CFAP61: variants seen among roughly 807,000 people sequenced by gnomAD.
The protein encoded by CFAP61 is cilia and flagella associated protein 61.
CFAP61 carries 107 observed loss-of-function variants against 135.6 expected under a neutral mutation model. The observed-to-expected ratio is 0.79, with a 90% CI of 0.67 to 0.93. CFAP61 has a LOEUF of 0.93. CFAP61 is among the 40% of genes least tolerant of loss of function. The pLI, the probability that CFAP61 is intolerant of heterozygous loss-of-function variation, is 0.00. For missense variants in CFAP61, 1,507 were observed against 1,556.2 expected (o/e 0.97, Z 0.53); for synonymous variants, 575 against 578.5 (o/e 0.99, Z 0.09).
At chr20:20,080,979 C>T (rs535603678) in intron 6 of CFAP61, among the ~76,000 whole-genome samples, 5 of 151,028 alleles carry the variant, frequency 3.3e-5, no homozygotes, top group South Asian at 2.1e-4. Flanking sequence ...TCCAGCCTGG[C>T]GACAGAGCAA....
intron 17 of CFAP61, among the ~76,000 whole-genome samples, chr20:20,204,281 T>A (rs539255485): frequency 6.6e-6 from 1 of 152,290 alleles, no homozygotes; most frequent in South Asian, 2.1e-4. Context: ...AACTAATGAA[T>A]TCTTTGGAGG....
At chr20:20,195,089 C>T (rs562496663) in intron 15 of CFAP61, among the ~76,000 whole-genome samples, 1 of 152,186 alleles carries the variant, frequency 6.6e-6, no homozygotes, top group African/African-American at 2.4e-5. Context: ...GTATAAAGGC[C>T]ATTACAGGGT....
intron 8 of CFAP61, among the ~76,000 whole-genome samples, chr20:20,123,540 T>G (rs1568953332): frequency 6.6e-6 from 1 of 151,766 alleles, no homozygotes; most frequent in Non-Finnish European, 1.5e-5. Context: ...TTTTGTTTTG[T>G]CAAAGATCAG....
chr20:20,280,228 C>A (rs1217848523), intron 22 of CFAP61, among the ~76,000 whole-genome samples: 2 of 152,114 alleles, frequency 1.3e-5, no homozygotes, highest in African/African-American at 4.8e-5. Context: ...AAGAAAACCT[C>A]ACGACAGTGG....
At chr20:20,207,297 A>G (rs1230530443) in intron 17 of CFAP61, among the ~76,000 whole-genome samples, 2 of 152,210 alleles carry the variant, frequency 1.3e-5, no homozygotes, top group East Asian at 3.8e-4. Flanking sequence ...TGCTGTTAAA[A>G]AGAGCTGCCA....
intron 8 of CFAP61, among the ~76,000 whole-genome samples, chr20:20,136,416 A>T (rs1242940996): frequency 6.6e-6 from 1 of 151,942 alleles, no homozygotes; most frequent in Non-Finnish European, 1.5e-5. Context: ...AGCATGCTTC[A>T]TTCTTTTTTA....
rs78984624 is a variant in CFAP61 at position 20,175,418 on chromosome 20, A to G, written c.1385+5958A>G. On this transcript the variant is annotated intron_variant, in intron 13 of 26. Coordinates refer to ENST00000245957, the MANE Select transcript of CFAP61 (RefSeq NM_015585.4). ...GTTTTCTGAATCTGTGTTGCTAACA[A>G]GTGCACCAGTTGACTTTCATGCACG... Among the ~76,000 whole-genome samples, 12 of 152,274 alleles carry G rather than the reference A, an allele frequency of 7.9e-5. No individual in the cohort carries two copies. The East Asian group carries it at 2.3e-3, about 29-fold the overall frequency.
At chr20:20,090,708 A>AG in intron 6 of CFAP61, 136 bp from the exon 7 acceptor site, 1 of 626,430 alleles carries the variant, frequency 1.6e-6, no homozygotes, top group Non-Finnish European at 2.5e-6. Flanking sequence ...AAAAAAAAAA[A>AG]AAAAGAAGGA....
At chr20:20,204,124 T>A (rs4814962) in intron 17 of CFAP61, among the ~76,000 whole-genome samples, 54,721 of 151,976 alleles carry the variant, frequency 0.36, 10,222 homozygotes, top group East Asian at 0.58. Flanking sequence ...CTTGGTTTAT[T>A]GTGTTCATAG....
At chr20:20,064,032 A>ACCCCCCCCCCCCCCCC (rs373522191) in intron 2 of CFAP61, among the ~76,000 whole-genome samples, 1 of 113,216 alleles carries the variant, frequency 8.8e-6, no homozygotes, top group Non-Finnish European at 2.0e-5. Context: ...AAATAGAGTA[A>ACCCCCCCCCCCCCCCC]CCGCCCCCCA....
intron 26 of CFAP61, among the ~76,000 whole-genome samples, chr20:20,349,507 C>A (rs1333324504): frequency 6.6e-6 from 1 of 152,138 alleles, no homozygotes; most frequent in South Asian, 2.1e-4. Flanking sequence ...TCCCTAAGAC[C>A]CAAACACCTC....
At chr20:20,350,687 G>A (rs1251981100) in intron 26 of CFAP61, among the ~76,000 whole-genome samples, 1 of 152,206 alleles carries the variant, frequency 6.6e-6, no homozygotes, top group African/African-American at 2.4e-5. Flanking sequence ...ATGATTGCTT[G>A]TACAAGAACA....
intron 8 of CFAP61, among the ~76,000 whole-genome samples, chr20:20,117,811 G>A (rs58434147): frequency 0.099 from 14,952 of 151,756 alleles, 1,554 homozygotes; most frequent in East Asian, 0.6. Flanking sequence ...TCATTTCTTT[G>A]GTGAAATTGA....
intron 18 of CFAP61, among the ~76,000 whole-genome samples, chr20:20,240,789 A>G (rs2049966289): frequency 1.3e-5 from 2 of 152,104 alleles, no homozygotes; most frequent in Admixed American, 6.5e-5. Flanking sequence ...CTCCCTGGCC[A>G]TGTCACTGAG....
At chr20:20,303,523 A>G (rs367891800) in intron 25 of CFAP61, among the ~76,000 whole-genome samples, 3 of 152,098 alleles carry the variant, frequency 2.0e-5, no homozygotes, top group East Asian at 3.9e-4. Context: ...TAGTGGGTAC[A>G]TGCAGCTGCG....
Position 20,288,325 on chromosome 20 carries a change from C to T in CFAP61, c.2797-284C>T, listed in dbSNP as rs114554287. Among the ~76,000 whole-genome samples the T allele has an allele frequency of 5.2e-3, 795 of 152,214 alleles. 8 individuals carry two copies. The highest frequency in any genetic ancestry group is 0.018 in the African/African-American group (751 of 41,536). On this transcript the variant is annotated intron_variant, in intron 22 of 26. Coordinates refer to ENST00000245957, the MANE Select transcript of CFAP61 (RefSeq NM_015585.4). ...TGTACAAATGTAAACCCTCTTCCGC[C>T]GAAAACCACTCACACTTTTGTGGGA... is the stretch of plus-strand genomic sequence containing the variant.
intron 6 of CFAP61, chr20:20,085,355 G>A: frequency 3.1e-6 from 4 of 1,302,120 alleles, no homozygotes; most frequent in Non-Finnish European, 4.0e-6. Context: ...TGAGGCTGAT[G>A]TCATACTTTA....
chr20:20,070,920 C>T lies in CFAP61; in HGVS notation c.210C>T (p.Phe70=). 6.2e-7 allele frequency: 1 copy of T among 1,614,160 alleles called. No individual in the cohort carries two copies. Among genetic ancestry groups the T allele is most frequent in the Non-Finnish European group, 8.5e-7 (1 of 1,180,024 alleles). ...DKEEIMAQAT[F]LDYPNWNVAK... Reference sequence around the variant, plus strand: ...AGGAGATCATGGCCCAGGCCACCTTCCTGGACTACCCCAACTGGAATGTTG... The same window carrying T: ...AGGAGATCATGGCCCAGGCCACCTTTCTGGACTACCCCAACTGGAATGTTG... The change falls in exon 3 of 27, where the codon TTC becomes TTT. Residue 70 remains phenylalanine (F), a synonymous_variant. Transcript: ENST00000245957.
chr20:20,341,788 T>A, intron 25 of CFAP61, 43 bp from the exon 26 acceptor site: 6 of 1,391,168 alleles, frequency 4.3e-6, no homozygotes, highest in Non-Finnish European at 6.1e-6. Context: ...TTAGTGGTAA[T>A]GAGAGGGTTG....
Sources: allele counts gnomAD v4.1 joint callset (sites outside exome capture counted in the v4.1 genomes callset), GRCh38; gene constraint gnomAD v4.1.1; transcripts MANE v1.5; gene names NCBI Gene and HGNC (gene_info 2026-07-23, HGNC 2026-07-21).